The following PRDM6 variants were observed in gnomAD, a reference collection of about 807,000 sequenced individuals.
PRDM6 encodes the protein PR/SET domain 6.
PRDM6 carries 25 observed loss-of-function variants against 60.8 expected under a neutral mutation model. The observed-to-expected ratio is 0.41, with a 90% confidence interval of 0.30 to 0.57. The LOEUF is 0.57. Among genes scored for constraint, PRDM6 ranks in the 20% least tolerant of loss-of-function variants. PRDM6 has a pLI of 0.27. For missense variants in PRDM6, 839 were observed against 821.3 expected (o/e 1.02, Z -0.26); for synonymous variants, 407 against 357.4 (o/e 1.14, Z -1.57).
intron 6 of PRDM6, chr5:123,173,266 C>T (rs1319172883): frequency 6.4e-6 from 1 of 155,598 alleles, no homozygotes; most frequent in African/African-American, 2.4e-5. Context: ...TCGTAATATA[C>T]TTATGTATAT....
intron 3 of PRDM6, among the ~76,000 whole-genome samples, chr5:123,122,316 G>A (rs185923005): frequency 6.6e-6 from 1 of 152,136 alleles, no homozygotes; most frequent in Non-Finnish European, 1.5e-5. Context: ...CAGTACAAAG[G>A]AGTAAATTTA....
intron 7 of PRDM6, among the ~76,000 whole-genome samples, chr5:123,182,184 G>T (rs1281101223): frequency 2.0e-5 from 3 of 152,178 alleles, no homozygotes; most frequent in Non-Finnish European, 4.4e-5. Flanking sequence ...CACAGTCCTA[G>T]GAGTTCCCTA....
Position 123,187,224 on chromosome 5 carries a change from A to C in PRDM6, c.*23A>C. ...TAACGGATTGACTGGTTGGAATTAA[A>C]CTGCAAGGAAAGTCATGATTAAATG... On this transcript the variant is annotated 3_prime_UTR_variant, in exon 8 of 8. Coordinates refer to ENST00000407847, the MANE Select transcript of PRDM6 (RefSeq NM_001136239.4). The C allele has an allele frequency of 6.6e-7, 1 of 1,507,208 alleles. No individual in the cohort carries two copies. Among genetic ancestry groups the C allele is most frequent in the East Asian group, 2.5e-5 (1 of 40,620 alleles). 93.4% of individuals were successfully genotyped at this position (1,507,208 alleles called of 1,614,324 possible). A position where few individuals can be genotyped will look rare whatever the true frequency, so the allele number is the denominator to read the frequency against.
intron 5 of PRDM6, among the ~76,000 whole-genome samples, chr5:123,161,107 C>G (rs1765621148): frequency 6.6e-6 from 1 of 152,206 alleles, no homozygotes; most frequent in Non-Finnish European, 1.5e-5. Context: ...CAAAAGGATT[C>G]TAGAAATCTC....
intron 3 of PRDM6, among the ~76,000 whole-genome samples, chr5:123,111,745 C>T (rs173058): frequency 6.6e-6 from 1 of 152,018 alleles, no homozygotes. Context: ...CCTTTCTCTT[C>T]CTTGCCCCTT....
intron 3 of PRDM6, among the ~76,000 whole-genome samples, chr5:123,102,101 T>G (rs961776261): frequency 6.6e-6 from 1 of 152,192 alleles, no homozygotes; most frequent in Non-Finnish European, 1.5e-5. Flanking sequence ...TTTAATTATC[T>G]GTAACAACAG....
intron 2 of PRDM6, among the ~76,000 whole-genome samples, chr5:123,095,249 C>T (rs1030170415): frequency 1.8e-4 from 28 of 152,218 alleles, no homozygotes; most frequent in Non-Finnish European, 1.5e-5. Context: ...TGTCGGCGGC[C>T]ACGCCTCATG....
At position 123,187,365 on chromosome 5, in the gene PRDM6, G is replaced by T. The variant is rs1766312549; in HGVS notation, c.*164G>T. ...GTTAAGAGATATTGATCCTGGCATGGAAGTCAGACCAGGAAAGAGATTATT... is the reference window on the plus strand; with the variant it reads ...GTTAAGAGATATTGATCCTGGCATGTAAGTCAGACCAGGAAAGAGATTATT... On this transcript the variant is annotated 3_prime_UTR_variant, in exon 8 of 8. Transcript: ENST00000407847. The T allele has an allele frequency of 1.9e-6, 1 of 527,298 alleles. No homozygotes were observed. The highest frequency in any genetic ancestry group is 3.5e-6 in the Non-Finnish European group (1 of 287,292). The allele number at this position is 527,298 out of a possible 1,614,324, so 32.7% of individuals were successfully genotyped here.
chr5:123,089,681 G>T (rs1057238750), intron 1 of PRDM6, among the ~76,000 whole-genome samples, 162 bp downstream of exon 1: 2 of 152,162 alleles, frequency 1.3e-5, no homozygotes, highest in African/African-American at 2.4e-5. Context: ...GGCTCCGGGC[G>T]CTGGCTGAGG....
At chr5:123,102,321 T>C (rs1561806335) in intron 3 of PRDM6, among the ~76,000 whole-genome samples, 1 of 152,190 alleles carries the variant, frequency 6.6e-6, no homozygotes, top group Non-Finnish European at 1.5e-5. Flanking sequence ...AATATGAGTT[T>C]AAAATTTTTA....
rs566052718 is a variant in PRDM6 at position 123,116,642 on chromosome 5, T to A, written c.900+16681T>A. Among the ~76,000 whole-genome samples the A allele has an allele frequency of 3.4e-3, 521 of 151,844 alleles. 1 individual carries two copies. Among genetic ancestry groups the A allele is most frequent in the Admixed American group, 4.4e-3 (67 of 15,236 alleles). On this transcript the variant is annotated intron_variant, in intron 3 of 7. Transcript: ENST00000407847. ...TATGTAGCATAAGTGAAAAAAAAAA[T>A]TATTTTTCTGTTACAAGACAATTTG...
At chr5:123,156,035 C>T (rs1401329243) in intron 4 of PRDM6, 24 bp downstream of exon 4, 3 of 1,540,988 alleles carry the variant, frequency 1.9e-6, no homozygotes, top group African/African-American at 1.4e-5. Context: ...TGATTTACCA[C>T]CTACAGAGCT....
At chr5:123,183,984 T>C (rs1766225233) in intron 7 of PRDM6, among the ~76,000 whole-genome samples, 1 of 152,160 alleles carries the variant, frequency 6.6e-6, no homozygotes, top group South Asian at 2.1e-4. Flanking sequence ...CATTCATCGC[T>C]ATGTTCTTTC....
intron 3 of PRDM6, among the ~76,000 whole-genome samples, chr5:123,115,371 A>G (rs903571424): frequency 6.6e-6 from 1 of 152,092 alleles, no homozygotes; most frequent in Non-Finnish European, 1.5e-5. Context: ...AATCTTACAT[A>G]CCTAAATGTT....
At chr5:123,110,190 G>A (rs964267074) in intron 3 of PRDM6, among the ~76,000 whole-genome samples, 1 of 151,180 alleles carries the variant, frequency 6.6e-6, no homozygotes, top group Admixed American at 6.6e-5. Context: ...AAACATAATT[G>A]CCAAAACATG....
Position 123,099,910 on chromosome 5 carries a change from C to T in PRDM6, c.849C>T (p.Pro283=). ...GACCTTTCCAAGGCGTGCTTCTGCCCCCAGAGAAGGTGCAGGCAGGCGCCG... is the reference window on the plus strand; with the variant it reads ...GACCTTTCCAAGGCGTGCTTCTGCCTCCAGAGAAGGTGCAGGCAGGCGCCG... ...WIGPFQGVLL[P]PEKVQAGAVR... is the part of the protein sequence containing the mutation. The change falls in exon 3 of 8, where the codon CCC becomes CCT. Residue 283 remains proline (P), a synonymous_variant. Coordinates refer to ENST00000407847, the MANE Select transcript of PRDM6 (RefSeq NM_001136239.4). The surrounding 1 kb of genome is among the most constrained non-coding windows in gnomAD (Gnocchi z 4.0). The T allele has an allele frequency of 2.6e-6, 4 of 1,546,596 alleles. No individual in the cohort carries two copies. The highest frequency in any genetic ancestry group is 3.5e-6 in the Non-Finnish European group (4 of 1,144,410).
At chr5:123,185,841 G>A (rs1766276020) in intron 7 of PRDM6, among the ~76,000 whole-genome samples, 1 of 152,196 alleles carries the variant, frequency 6.6e-6, no homozygotes. Context: ...AGGAGAAAGA[G>A]TGGAATGCCT....
intron 3 of PRDM6, among the ~76,000 whole-genome samples, chr5:123,110,471 C>T (rs192512330): frequency 1.1e-4 from 17 of 149,130 alleles, no homozygotes; most frequent in East Asian, 2.0e-4. Context: ...GTGGGCCAGG[C>T]GGGTTTCAAA....
At chr5:123,162,798 G>A (rs991542349) in intron 5 of PRDM6, among the ~76,000 whole-genome samples, 3 of 152,146 alleles carry the variant, frequency 2.0e-5, no homozygotes, top group Non-Finnish European at 4.4e-5. Context: ...ATCGTGTGGG[G>A]GAGATATATG....
Sources: allele counts gnomAD v4.1 joint callset (sites outside exome capture counted in the v4.1 genomes callset), GRCh38; gene constraint gnomAD v4.1.1; non-coding constraint Gnocchi (gnomAD v3.1); transcripts MANE v1.5; gene names NCBI Gene and HGNC (gene_info 2026-07-23, HGNC 2026-07-21).